JMY: variants seen among roughly 807,000 people sequenced by gnomAD.
JMY encodes the protein junction mediating and regulatory protein, p53 cofactor.
A neutral mutation model predicts 103.3 loss-of-function variants in JMY; 46 were observed. The ratio of observed to expected loss-of-function variants is 0.45; its 90% CI spans 0.35 to 0.57. The LOEUF is 0.57. JMY is among the 20% of genes least tolerant of loss of function. The probability of loss-of-function intolerance (pLI) is 0.00; values close to 1 mark genes in which losing one functional copy is unlikely to be tolerated. For synonymous variants in JMY, 526 were observed against 489.3 expected (o/e 1.07, Z -0.99); for missense variants, 1,238 against 1,255.2 (o/e 0.99, Z 0.21).
At chr5:79,303,007 A>G (rs368945554) in intron 6 of JMY, among the ~76,000 whole-genome samples, 16 of 152,204 alleles carry the variant, frequency 1.1e-4, no homozygotes, top group African/African-American at 3.9e-4. Flanking sequence ...TGGTTTCTGG[A>G]TTGGGCATTG....
intron 2 of JMY, among the ~76,000 whole-genome samples, chr5:79,287,702 G>T (rs1394303810): frequency 6.6e-6 from 1 of 152,152 alleles, no homozygotes; most frequent in Non-Finnish European, 1.5e-5. Flanking sequence ...CAGCTTAAAA[G>T]AAAAGCATAC....
intron 1 of JMY, among the ~76,000 whole-genome samples, chr5:79,272,346 A>G (rs920948666): frequency 6.6e-6 from 1 of 152,052 alleles, no homozygotes; most frequent in Non-Finnish European, 1.5e-5. Context: ...AGTTTAGTCC[A>G]TTTATATTTC....
rs184701662 is a variant in JMY at position 79,314,510 on chromosome 5, T to C, written c.2318T>C (p.Leu773Pro). 2.4e-5 allele frequency: 39 copies of C among 1,614,146 alleles called. 1 individual carries two copies. The African/African-American group carries it at 3.5e-4, about 14-fold the overall frequency. ...LTQLEATSLP[L>P]SGVTSELPPT... ...CAACTTGAAGCCACCTCATTACCTC[T>C]CAGTGGTGTTACCTCTGAACTGCCT... The change falls in exon 9 of 11, where the codon CTC becomes CCC. Residue 773 changes from leucine to proline, a missense_variant. Coordinates refer to ENST00000396137, the MANE Select transcript of JMY (RefSeq NM_152405.5).
chr5:79,251,149 A>ATT (rs770951318), intron 1 of JMY, among the ~76,000 whole-genome samples: 6 of 152,180 alleles, frequency 3.9e-5, no homozygotes, highest in Non-Finnish European at 8.8e-5. Flanking sequence ...GAAAATGCCC[A>ATT]TTCCTGTTTG....
At chr5:79,275,283 C>T (rs1461933013) in intron 1 of JMY, among the ~76,000 whole-genome samples, 1 of 151,984 alleles carries the variant, frequency 6.6e-6, no homozygotes, top group Non-Finnish European at 1.5e-5. Flanking sequence ...GCCTCAGCCT[C>T]CCGAGCAGCT....
chr5:79,283,425 A>G (rs551933258), intron 2 of JMY, among the ~76,000 whole-genome samples: 37 of 152,352 alleles, frequency 2.4e-4, no homozygotes, highest in African/African-American at 8.7e-4. Flanking sequence ...ATGATAGGAA[A>G]GAAGAGAACT....
At chr5:79,287,153 T>G (rs1483195734) in intron 2 of JMY, among the ~76,000 whole-genome samples, 2 of 152,012 alleles carry the variant, frequency 1.3e-5, no homozygotes, top group Admixed American at 6.6e-5. Context: ...CAAATTAGAT[T>G]CCGTTACTGC....
intron 4 of JMY, among the ~76,000 whole-genome samples, chr5:79,293,928 C>T (rs917827577): frequency 2.6e-5 from 4 of 152,036 alleles, no homozygotes; most frequent in Admixed American, 6.6e-5. Flanking sequence ...ATTGTTAATC[C>T]AGGTTATCAG....
chr5:79,251,149 A>G (rs1396428441), intron 1 of JMY, among the ~76,000 whole-genome samples: 5 of 152,180 alleles, frequency 3.3e-5, no homozygotes, highest in East Asian at 1.9e-4. Context: ...GAAAATGCCC[A>G]TTCCTGTTTG....
At chr5:79,320,304 A>T (rs189227451) in intron 10 of JMY, among the ~76,000 whole-genome samples, 2 of 151,202 alleles carry the variant, frequency 1.3e-5, no homozygotes, top group East Asian at 3.9e-4. Context: ...AATCTGTCTC[A>T]ATAAATAAAT....
chr5:79,261,303 A>T (rs1263322709), intron 1 of JMY, among the ~76,000 whole-genome samples: 1 of 152,154 alleles, frequency 6.6e-6, no homozygotes, highest in Admixed American at 6.5e-5. Context: ...CCCCCTGCCC[A>T]CCAGACAAAT....
At chr5:79,261,596 C>A (rs752525343) in intron 1 of JMY, among the ~76,000 whole-genome samples, 2 of 152,070 alleles carry the variant, frequency 1.3e-5, no homozygotes, top group Non-Finnish European at 2.9e-5. Flanking sequence ...CAGACAAAGG[C>A]GTGAATTACT....
intron 2 of JMY, among the ~76,000 whole-genome samples, chr5:79,278,585 CAAA>C (rs34278536): frequency 8.6e-3 from 493 of 57,248 alleles, no homozygotes; most frequent in African/African-American, 0.027. Context: ...CCCGTCTCTA[CAAA>C]AAAAAAAAAA....
chr5:79,317,928 A>T (rs1419313683), intron 10 of JMY, among the ~76,000 whole-genome samples: 1 of 152,218 alleles, frequency 6.6e-6, no homozygotes, highest in Non-Finnish European at 1.5e-5. Flanking sequence ...ATGTTTGATC[A>T]TAAGAATTAA....
At chr5:79,289,273 A>T (rs1580357330) in intron 2 of JMY, among the ~76,000 whole-genome samples, 3 of 148,372 alleles carry the variant, frequency 2.0e-5, no homozygotes, top group African/African-American at 7.4e-5. Context: ...GGGTTGTATT[A>T]TTTCTACCTT....
intron 1 of JMY, among the ~76,000 whole-genome samples, chr5:79,276,858 G>A (rs187759395): frequency 6.6e-6 from 1 of 152,112 alleles, no homozygotes. Context: ...ACCCCCCACG[G>A]CCTCCCAAAG....
At position 79,310,057 on chromosome 5, in the gene JMY, C is replaced by CTTTTTTTTTTTTTT. The variant is rs55994052; in HGVS notation, c.1969-2333_1969-2320dup. Among the ~76,000 whole-genome samples, 5 of 73,666 alleles carry CTTTTTTTTTTTTTT rather than the reference C, an allele frequency of 6.8e-5. 2 individuals carry two copies. The highest frequency in any genetic ancestry group is 2.6e-4 in the African/African-American group (4 of 15,482). The allele number at this position is 73,666 out of a possible 152,430, so 48.3% of individuals were successfully genotyped here. A position where few individuals can be genotyped will look rare whatever the true frequency, so the allele number is the denominator to read the frequency against. On this transcript the variant is annotated intron_variant, in intron 7 of 10. Coordinates refer to ENST00000396137, the MANE Select transcript of JMY (RefSeq NM_152405.5). ...TAGTAAATCGATTATCTTTCTTTTC[C>CTTTTTTTTTTTTTT]TTTTTTTTTTTTTTTTTTTTTTTTT...
At chr5:79,294,883 G>T (rs1258372918) in intron 4 of JMY, among the ~76,000 whole-genome samples, 2 of 151,476 alleles carry the variant, frequency 1.3e-5, no homozygotes, top group Non-Finnish European at 2.9e-5. Flanking sequence ...AGGTATATCA[G>T]TGTGCTTTCT....
intron 2 of JMY, chr5:79,284,922 G>A: frequency 6.5e-7 from 1 of 1,532,570 alleles, no homozygotes. Flanking sequence ...CCGCCATGGT[G>A]CTGGTCAGAG....
Sources: gnomAD v4.1 joint callset for allele counts (sites outside exome capture counted in the v4.1 genomes callset) on GRCh38, gnomAD v4.1.1 for gene constraint, MANE v1.5 for transcripts, NCBI Gene and HGNC (gene_info 2026-07-23, HGNC 2026-07-21) for gene names.